Variants in PRDM9 observed in about 807,000 individuals in gnomAD.
PRDM9 encodes histone-lysine N-methyltransferase PRDM9.
Under a neutral mutation model 55.6 loss-of-function variants are expected in PRDM9, and 47 were observed. That is an observed-to-expected ratio of 0.85 (90% CI 0.67 to 1.08). The LOEUF (loss-of-function observed/expected upper bound fraction) is 1.08, where lower values mean the gene tolerates loss of function less well. Among genes scored for constraint, PRDM9 ranks in the 50% least tolerant of loss-of-function variants. The pLI is 0.00. For synonymous variants in PRDM9, 312 were observed against 375.7 expected (o/e 0.83, Z 1.96); for missense variants, 867 against 1,040.3 (o/e 0.83, Z 2.29).
At chr5:23,524,262 A>G in intron 9 of PRDM9, 72 bp from the exon 10 acceptor site, 1 of 1,559,218 alleles carries the variant, frequency 6.4e-7, no homozygotes, top group Non-Finnish European at 8.8e-7. Context: ...CCAGCAGGTG[A>G]TGGGCCATAC....
rs185548599 is a variant in PRDM9 at position 23,522,347 on chromosome 5, A to T, written c.552A>T (p.Arg184=). 3.3e-4 allele frequency: 537 copies of T among 1,614,202 alleles called. 4 individuals are homozygous for T. In the African/African-American group the frequency reaches 6.2e-3, roughly 19 times the overall value. The change falls in exon 7 of 11, where the codon CGA becomes CGT. Residue 184 remains arginine (R), a synonymous_variant. Transcript: ENST00000296682. ...KETERKMYSL[R]ERKGHAYKEV... ...CTGAAAGAAAGATGTATAGCCTGCG[A>T]GAAAGAAAGGGTCATGCATACAAAG...
rs1739430537 is a variant in PRDM9 at position 23,526,412 on chromosome 5, C to T, written c.1324C>T (p.Pro442Ser). 6.2e-7 allele frequency: 1 copy of T among 1,614,174 alleles called. No homozygotes were observed. Among genetic ancestry groups the T allele is most frequent in the Non-Finnish European group, 8.5e-7 (1 of 1,180,034 alleles). ...PGDQNQEQQY[P>S]DPHSRNDKTK... ...GGATCAGAATCAGGAGCAGCAATATCCAGATCCACACAGCCGTAATGACAA... is the reference window on the plus strand; with the variant it reads ...GGATCAGAATCAGGAGCAGCAATATTCAGATCCACACAGCCGTAATGACAA... The change falls in exon 11 of 11, where the codon CCA (proline) becomes TCA (serine). Residue 442 changes from proline (P) to serine (S), a missense_variant. Transcript: ENST00000296682.
rs749997388 is a variant in PRDM9, at chr5:23,526,706, A to C, written c.1618A>C (p.Ile540Leu). 3.1e-6 allele frequency: 5 copies of C among 1,614,134 alleles called. No individual in the cohort carries two copies. The African/African-American group carries it at 6.7e-5, about 22-fold the overall frequency. The change falls in exon 11 of 11, where the codon ATT (isoleucine) becomes CTT (leucine). Residue 540 changes from isoleucine to leucine, a missense_variant. Physicochemically the swap from Ile to Leu is conservative, Grantham distance 5. This residue lies in a region of PRDM9 where 662 missense variants were observed against 711.9 expected (regional missense o/e 0.93). Coordinates refer to ENST00000296682, the MANE Select transcript of PRDM9 (RefSeq NM_020227.4). ...AGGTTTCAGTGTTAAATCAGATGTTATTACACACCAAAGGACACATACAGG... is the reference window on the plus strand; with the variant it reads ...AGGTTTCAGTGTTAAATCAGATGTTCTTACACACCAAAGGACACATACAGG... ...GQGFSVKSDV[I>L]THQRTHTGEK... is the part of the protein sequence containing the mutation.
chr5:23,526,222 T>G lies in PRDM9; in HGVS notation c.1145-11T>G. 5.0e-6 allele frequency: 8 copies of G among 1,613,558 alleles called. No homozygotes were observed. The highest frequency in any genetic ancestry group is 6.8e-6 in the Non-Finnish European group (8 of 1,179,496). ...AAAACATCTACCCTGACCAAAAACTTCCTCTTTCAGAACCAAAGCCAGAGA... is the reference window on the plus strand; with the variant it reads ...AAAACATCTACCCTGACCAAAAACTGCCTCTTTCAGAACCAAAGCCAGAGA... On this transcript the variant is annotated splice_polypyrimidine_tract_variant and intron_variant, in intron 10 of 10. Transcript: ENST00000296682.
At chr5:23,513,436 G>T (rs1739139362) in intron 4 of PRDM9, among the ~76,000 whole-genome samples, 1 of 152,094 alleles carries the variant, frequency 6.6e-6, no homozygotes, top group South Asian at 2.1e-4. Flanking sequence ...GATGAGTTGG[G>T]CCCTTCCCTG....
chr5:23,512,036 A>C (rs1468206495), intron 4 of PRDM9, among the ~76,000 whole-genome samples: 27 of 152,118 alleles, frequency 1.8e-4, no homozygotes, highest in Admixed American at 1.6e-3. Flanking sequence ...CAATGAAAGC[A>C]AACTTAATTA....
At chr5:23,514,573 C>A (rs977525857) in intron 4 of PRDM9, among the ~76,000 whole-genome samples, 26 of 152,066 alleles carry the variant, frequency 1.7e-4, no homozygotes, top group African/African-American at 5.1e-4. Context: ...CTCAGCCCCC[C>A]ACGTAGCTGG....
chr5:23,520,056 A>AT (rs1041972106), intron 5 of PRDM9, among the ~76,000 whole-genome samples: 2 of 146,762 alleles, frequency 1.4e-5, no homozygotes, highest in Middle Eastern at 3.9e-3. Context: ...AAAAATAAAA[A>AT]AAAAAAAGAA....
intron 4 of PRDM9, among the ~76,000 whole-genome samples, chr5:23,512,304 A>G (rs1240815987): frequency 6.6e-6 from 1 of 152,166 alleles, no homozygotes; most frequent in Admixed American, 6.5e-5. Context: ...AATGTATCAT[A>G]ATTATAAAAT....
At chr5:23,521,317 T>C in intron 6 of PRDM9, 138 bp downstream of exon 6, 2 of 928,378 alleles carry the variant, frequency 2.2e-6, no homozygotes, top group East Asian at 2.6e-5. Context: ...AGAAGGTAGA[T>C]GCAGTATTTT....
intron 10 of PRDM9, 148 bp downstream of exon 10, chr5:23,524,675 T>G: frequency 2.6e-6 from 3 of 1,161,016 alleles, no homozygotes; most frequent in Non-Finnish European, 3.7e-6. Flanking sequence ...ACATTCATGT[T>G]ATATACCTTT....
rs543810282 is a variant in PRDM9, at chr5:23,527,006, G to C, written c.1918G>C (p.Glu640Gln). Residue 640 changes from glutamate (E) to glutamine (Q), a missense_variant, in exon 11 of 11, where the codon GAG becomes CAG. Glu to Gln is a conservative substitution (Grantham distance 29). Around this residue, in one of 5 missense-constraint regions of PRDM9, gnomAD observed 0 missense variants for 19.0 expected, o/e 0.00. Coordinates refer to ENST00000296682, the MANE Select transcript of PRDM9 (RefSeq NM_020227.4). ...HTGEKPYVCR[E>Q]CGRGFSRQSV... ...AGGGGAGAAGCCCTATGTCTGCAGGGAGTGTGGGCGGGGCTTTAGCCGGCA... is the reference window on the plus strand; with the variant it reads ...AGGGGAGAAGCCCTATGTCTGCAGGCAGTGTGGGCGGGGCTTTAGCCGGCA... 1 of 1,362,248 alleles carries C rather than the reference G, an allele frequency of 7.3e-7. No homozygotes were observed. The highest frequency in any genetic ancestry group is 1.3e-5 in the South Asian group (1 of 79,234). The allele number at this position is 1,362,248 out of a possible 1,614,324, so 84.4% of individuals were successfully genotyped here.
At chr5:23,517,759 C>A in intron 4 of PRDM9, 122 bp from the exon 5 acceptor site, 1 of 988,056 alleles carries the variant, frequency 1.0e-6, no homozygotes, top group Non-Finnish European at 1.6e-6. Flanking sequence ...TGCACTCCAG[C>A]CTGGGCGACA....
chr5:23,523,425 T>G lies in PRDM9; in HGVS notation c.950+67T>G. 4.7e-6 allele frequency: 7 copies of G among 1,494,152 alleles called. 1 individual carries two copies. In the South Asian group the frequency reaches 7.9e-5, roughly 17 times the overall value. The allele number at this position is 1,494,152 out of a possible 1,614,324, so 92.6% of individuals were successfully genotyped here. A position where few individuals can be genotyped will look rare whatever the true frequency, so the allele number is the denominator to read the frequency against. On this transcript the variant is annotated intron_variant, in intron 9 of 10. Coordinates refer to ENST00000296682, the MANE Select transcript of PRDM9 (RefSeq NM_020227.4). ...CTCTCACAAAGCTGGATTTCCTTCC[T>G]TATCATTATGCCTCCCTCAATGATT...
chr5:23,521,303 G>A (rs1399782244), intron 6 of PRDM9, 124 bp downstream of exon 6: 2 of 1,081,046 alleles, frequency 1.9e-6, no homozygotes, highest in East Asian at 2.4e-5. Flanking sequence ...TCAACTGTGA[G>A]ACCAGAAGGT....
At position 23,509,632 on chromosome 5, in the gene PRDM9, A is replaced by C. The variant is rs747986527; in HGVS notation, c.193+39A>C. On this transcript the variant is annotated intron_variant, in intron 3 of 10. Coordinates refer to ENST00000296682, the MANE Select transcript of PRDM9 (RefSeq NM_020227.4). ...CTGGGCACAGACCAGCCTGGGAGAC[A>C]TAAAACAGGTCTTTGGTCCCTATAT... 3.7e-6 allele frequency: 6 copies of C among 1,613,900 alleles called. No individual in the cohort carries two copies. In the African/African-American group the frequency reaches 8.0e-5, roughly 22 times the overall value.
chr5:23,522,712 C>T lies in PRDM9; in HGVS notation c.709C>T (p.Arg237Cys), dbSNP rs1187228739. 9 of 1,614,106 alleles carry T rather than the reference C, an allele frequency of 5.6e-6. No homozygotes were observed. The highest frequency in any genetic ancestry group is 1.1e-5 in the South Asian group (1 of 91,090). The change falls in exon 8 of 11, where the codon CGT (arginine) becomes TGT (cysteine). Residue 237 changes from arginine to cysteine, a missense_variant. Arg to Cys is a radical substitution (Grantham distance 180). This residue lies in a region of PRDM9 where 662 missense variants were observed against 711.9 expected (regional missense o/e 0.93). Coordinates refer to ENST00000296682, the MANE Select transcript of PRDM9 (RefSeq NM_020227.4). Reference sequence around the variant, plus strand: ...TGCAGTGGACAAGGGGCACCCCAACCGTTCAGCCCTCAGTCTGCCCCCAGG... The same window carrying T: ...TGCAGTGGACAAGGGGCACCCCAACTGTTCAGCCCTCAGTCTGCCCCCAGG... ...DSAVDKGHPN[R>C]SALSLPPGLR...
At chr5:23,522,181 G>A in intron 6 of PRDM9, 123 bp from the exon 7 acceptor site, 1 of 855,924 alleles carries the variant, frequency 1.2e-6, no homozygotes, top group South Asian at 1.3e-5. Context: ...TAGTTAAAGA[G>A]GGGGACACTA....
chr5:23,522,882 G>T lies in PRDM9; in HGVS notation c.879G>T (p.Trp293Cys), dbSNP rs745910443. Residue 293 changes from tryptophan (W) to cysteine (C), a missense_variant, in exon 8 of 11, where the codon TGG becomes TGT. Trp to Cys is a radical substitution (Grantham distance 215). Transcript: ENST00000296682. Reference protein sequence around the residue: ...DEEAANNGYSWLITKGRNCYE... With the variant: ...DEEAANNGYSCLITKGRNCYE... The stretch of plus-strand genomic sequence containing the variant: ...AGGCAGCCAACAATGGATACTCCTG[G>T]CTGGTAAGAAGAGCCTGCCATTTCC... 1.1e-5 allele frequency: 18 copies of T among 1,614,230 alleles called. No homozygotes were observed. The highest frequency in any genetic ancestry group is 1.2e-5 in the Non-Finnish European group (14 of 1,180,040).
Sources: allele counts gnomAD v4.1 joint callset (sites outside exome capture counted in the v4.1 genomes callset), GRCh38; gene constraint gnomAD v4.1.1; regional missense constraint gnomAD v4.1.1; transcripts MANE v1.5; gene names NCBI Gene and HGNC (gene_info 2026-07-23, HGNC 2026-07-21).